The following ARK2C variants were observed in gnomAD, a reference collection of about 807,000 sequenced individuals.
The protein encoded by ARK2C is E3 ubiquitin-protein ligase ARK2C.
the ARK2C span, among the ~76,000 whole-genome samples, chr18:46,404,489 C>T: frequency 6.6e-6 from 1 of 152,128 alleles, no homozygotes; most frequent in Non-Finnish European, 1.5e-5. Flanking sequence ...CGTGGTGGCT[C>T]ACACCTGTAA....
At chr18:46,376,664 C>CTTTGT in the ARK2C span, among the ~76,000 whole-genome samples, 1 of 72,246 alleles carries the variant, frequency 1.4e-5, no homozygotes, top group African/African-American at 5.7e-5. Flanking sequence ...GGTTAATAAT[C>CTTTGT]TTTTTTTTTT....
chr18:46,402,558 G>A, the ARK2C span, among the ~76,000 whole-genome samples: 3 of 152,038 alleles, frequency 2.0e-5, no homozygotes, highest in East Asian at 3.9e-4. Context: ...TGTCACCCAC[G>A]CTGGAGTGCG....
At chr18:46,422,958 T>C in the ARK2C span, among the ~76,000 whole-genome samples, 1 of 152,246 alleles carries the variant, frequency 6.6e-6, no homozygotes, top group South Asian at 2.1e-4. Context: ...TCCTCTTCCC[T>C]GCTCATGCCC....
the ARK2C span, among the ~76,000 whole-genome samples, chr18:46,408,520 G>A: frequency 9.4e-3 from 1,427 of 152,316 alleles, 18 homozygotes; most frequent in African/African-American, 0.033. Flanking sequence ...AGGGCCATGA[G>A]GAACTTACCC....
At chr18:46,437,867 C>T in the ARK2C span, among the ~76,000 whole-genome samples, 1 of 152,190 alleles carries the variant, frequency 6.6e-6, no homozygotes, top group Non-Finnish European at 1.5e-5. Flanking sequence ...GTGGAGGTCT[C>T]TAAGTACCTG....
At chr18:46,450,688 AT>A in the ARK2C span, 2 of 1,607,776 alleles carry the variant, frequency 1.2e-6, no homozygotes, top group Non-Finnish European at 1.7e-6. Flanking sequence ...ACATGTGCAC[AT>A]TTTTCTCTTT....
the ARK2C span, among the ~76,000 whole-genome samples, chr18:46,368,944 G>A: frequency 6.6e-6 from 1 of 152,188 alleles, no homozygotes; most frequent in African/African-American, 2.4e-5. Context: ...CTTAGTGAAT[G>A]TTTACTGTCA....
the ARK2C span, among the ~76,000 whole-genome samples, chr18:46,420,337 T>A: frequency 6.6e-6 from 1 of 152,068 alleles, no homozygotes; most frequent in Non-Finnish European, 1.5e-5. Flanking sequence ...GACGAAACAA[T>A]TCTCCCAGGA....
the ARK2C span, among the ~76,000 whole-genome samples, chr18:46,375,189 G>A: frequency 1.6e-3 from 250 of 152,244 alleles, no homozygotes; most frequent in African/African-American, 5.8e-3. Flanking sequence ...CGCCCTGGCC[G>A]CATTCTTTTG....
At chr18:46,380,289 T>A in the ARK2C span, among the ~76,000 whole-genome samples, 1 of 152,174 alleles carries the variant, frequency 6.6e-6, no homozygotes, top group East Asian at 1.9e-4. Context: ...GAAGGGCGTC[T>A]TGGAAGATGG....
the ARK2C span, among the ~76,000 whole-genome samples, chr18:46,395,646 C>T: frequency 6.6e-6 from 1 of 152,166 alleles, no homozygotes; most frequent in Non-Finnish European, 1.5e-5. Flanking sequence ...ATAATTCCTG[C>T]TGCAGGGGAT....
chr18:46,375,018 T>G, the ARK2C span, among the ~76,000 whole-genome samples: 1 of 152,118 alleles, frequency 6.6e-6, no homozygotes, highest in Admixed American at 6.5e-5. Context: ...GCCCTTGTAA[T>G]AGGTGGAGGA....
At chr18:46,379,321 A>C in the ARK2C span, among the ~76,000 whole-genome samples, 5 of 152,162 alleles carry the variant, frequency 3.3e-5, no homozygotes, top group African/African-American at 1.2e-4. Context: ...CCTCTCCTTA[A>C]ACTTAACTTG....
At chr18:46,431,287 C>T in the ARK2C span, among the ~76,000 whole-genome samples, 4 of 152,102 alleles carry the variant, frequency 2.6e-5, no homozygotes, top group Non-Finnish European at 5.9e-5. Flanking sequence ...ATCAAACGAC[C>T]GATCACTCTT....
chr18:46,419,185 G>T, the ARK2C span, among the ~76,000 whole-genome samples: 1 of 152,156 alleles, frequency 6.6e-6, no homozygotes, highest in Non-Finnish European at 1.5e-5. Context: ...CCCCTGCCTG[G>T]TATTTTACTA....
At chr18:46,460,261 C>T in the ARK2C span, 9 of 152,528 alleles carry the variant, frequency 5.9e-5, no homozygotes, top group African/African-American at 2.2e-4. Context: ...GTAGGCGGGA[C>T]AAACACTCCC....
chr18:46,439,088 C>A, the ARK2C span, among the ~76,000 whole-genome samples: 1 of 152,190 alleles, frequency 6.6e-6, no homozygotes, highest in African/African-American at 2.4e-5. Flanking sequence ...GCAGCTGGAC[C>A]TGGGCTGTGC....
the ARK2C span, among the ~76,000 whole-genome samples, chr18:46,405,959 A>G: frequency 6.6e-6 from 1 of 151,664 alleles, no homozygotes; most frequent in African/African-American, 2.4e-5. Context: ...ACATGTGTAC[A>G]CCCTACACAC....
At chr18:46,412,532 G>A in the ARK2C span, among the ~76,000 whole-genome samples, 2 of 152,252 alleles carry the variant, frequency 1.3e-5, no homozygotes, top group Admixed American at 6.5e-5. Context: ...CCAGGGTAGT[G>A]GGAGGAGATC....
Sources: allele counts gnomAD v4.1 joint callset (sites outside exome capture counted in the v4.1 genomes callset), GRCh38; gene constraint gnomAD v4.1.1; transcripts MANE v1.5; gene names NCBI Gene and HGNC (gene_info 2026-07-23, HGNC 2026-07-21).